The following CDH12 variants were observed in gnomAD, a reference collection of about 807,000 sequenced individuals.
CDH12 encodes the protein cadherin-12.
A neutral mutation model predicts 74.1 loss-of-function variants in CDH12; 41 were observed. The ratio of observed to expected loss-of-function variants is 0.55; its 90% CI spans 0.43 to 0.72. The LOEUF (loss-of-function observed/expected upper bound fraction) is 0.72, where lower values mean the gene tolerates loss of function less well. Among genes scored for constraint, CDH12 ranks in the 30% least tolerant of loss-of-function variants. The pLI is 0.00. For synonymous variants in CDH12, 399 were observed against 355.0 expected (o/e 1.12, Z -1.39); for missense variants, 945 against 977.2 (o/e 0.97, Z 0.44).
intron 6 of CDH12, among the ~76,000 whole-genome samples, chr5:21,953,372 T>G (rs1755952725): frequency 6.6e-6 from 1 of 152,210 alleles, no homozygotes; most frequent in South Asian, 2.1e-4. Flanking sequence ...AAACAAACTG[T>G]AACCCGGTTG....
At chr5:22,503,784 T>G (rs2126660214) in intron 2 of CDH12, among the ~76,000 whole-genome samples, 1 of 152,202 alleles carries the variant, frequency 6.6e-6, no homozygotes, top group Admixed American at 6.6e-5. Flanking sequence ...TCTTCTCATT[T>G]ATCTGGGCCT....
chr5:22,801,684 T>TATAC (rs1561041162), intron 1 of CDH12, among the ~76,000 whole-genome samples: 3 of 89,268 alleles, frequency 3.4e-5, no homozygotes, highest in South Asian at 3.4e-4. Context: ...TATATATATA[T>TATAC]ACACTTTGTT....
rs114024056 is a variant in CDH12, at chr5:21,970,388, T to G, written c.526+4703A>C. On this transcript the variant is annotated intron_variant, in intron 6 of 14. Transcript: ENST00000382254. ...AAGGGATAAGAGAATATATCTAGTT[T>G]TTTATGTTTCGATTTGTCTCTCTAT... Among the ~76,000 whole-genome samples, 822 of 152,262 alleles carry G rather than the reference T, an allele frequency of 5.4e-3. 4 individuals are homozygous for G. The highest frequency in any genetic ancestry group is 0.019 in the African/African-American group (794 of 41,544).
At chr5:21,964,027 A>G (rs1232570580) in intron 6 of CDH12, among the ~76,000 whole-genome samples, 1 of 152,056 alleles carries the variant, frequency 6.6e-6, no homozygotes, top group Non-Finnish European at 1.5e-5. Context: ...GAAAAATTAT[A>G]AGAAGAATGA....
chr5:22,577,264 C>T (rs576452526), intron 1 of CDH12, among the ~76,000 whole-genome samples: 15 of 152,064 alleles, frequency 9.9e-5, no homozygotes, highest in Admixed American at 4.6e-4. Flanking sequence ...AGTTGCCTGC[C>T]CCAGATGCGT....
chr5:22,005,543 C>G (rs181513423), intron 5 of CDH12, among the ~76,000 whole-genome samples: 3 of 150,928 alleles, frequency 2.0e-5, no homozygotes, highest in African/African-American at 7.3e-5. Flanking sequence ...TGACCTCAAA[C>G]GCTCTTGATC....
intron 4 of CDH12, among the ~76,000 whole-genome samples, chr5:22,156,555 A>T (rs530468722): frequency 4.6e-5 from 7 of 152,162 alleles, no homozygotes; most frequent in Non-Finnish European, 1.0e-4. Context: ...ATTGAGAAAA[A>T]AAAGACTACA....
chr5:22,667,847 C>A (rs1013688273), intron 1 of CDH12, among the ~76,000 whole-genome samples: 1 of 152,192 alleles, frequency 6.6e-6, no homozygotes, highest in Non-Finnish European at 1.5e-5. Flanking sequence ...TAATTCACTT[C>A]ATTTGCTTTG....
At chr5:22,768,462 G>C (rs1390233094) in intron 1 of CDH12, among the ~76,000 whole-genome samples, 1 of 152,056 alleles carries the variant, frequency 6.6e-6, no homozygotes, top group East Asian at 1.9e-4. Context: ...CTATGATCTA[G>C]ATGGGTTTAA....
chr5:22,145,994 T>C (rs976158886), intron 4 of CDH12, among the ~76,000 whole-genome samples: 1 of 151,834 alleles, frequency 6.6e-6, no homozygotes, highest in Admixed American at 6.6e-5. Flanking sequence ...CATTTAAACA[T>C]TTTTCTAGCA....
intron 1 of CDH12, among the ~76,000 whole-genome samples, chr5:22,581,269 T>G (rs1256143981): frequency 6.6e-6 from 1 of 152,218 alleles, no homozygotes; most frequent in African/African-American, 2.4e-5. Flanking sequence ...GTGTGCAGCC[T>G]ACAGACTAAA....
At chr5:22,017,763 CTTT>C (rs756517987) in intron 5 of CDH12, among the ~76,000 whole-genome samples, 1 of 140,446 alleles carries the variant, frequency 7.1e-6, no homozygotes, top group Non-Finnish European at 1.6e-5. Flanking sequence ...TCCCTCCATT[CTTT>C]TTTTTTTTTT....
chr5:22,135,920 T>C (rs1354024602), intron 4 of CDH12, among the ~76,000 whole-genome samples: 1 of 151,872 alleles, frequency 6.6e-6, no homozygotes, highest in Non-Finnish European at 1.5e-5. Context: ...GCCCCTGCCC[T>C]CTTGACTCTG....
chr5:22,362,440 A>T (rs369343263), intron 3 of CDH12, among the ~76,000 whole-genome samples: 1 of 152,090 alleles, frequency 6.6e-6, no homozygotes, highest in Non-Finnish European at 1.5e-5. Flanking sequence ...ATCAGGTGCT[A>T]GAGAGGATGT....
At chr5:22,279,968 G>A in intron 3 of CDH12, among the ~76,000 whole-genome samples, 1 of 152,122 alleles carries the variant, frequency 6.6e-6, no homozygotes, top group Non-Finnish European at 1.5e-5. Flanking sequence ...TTCCACAATG[G>A]TTGAACTAGT....
rs991910797 is a variant in CDH12, at chr5:22,563,790, A to T, written c.-522-58426T>A. On this transcript the variant is annotated intron_variant, in intron 1 of 14. Coordinates refer to ENST00000382254, the MANE Select transcript of CDH12 (RefSeq NM_004061.5). ...CCCACGATCATGGTGTAAGGCAAGG[A>T]GGAGCAAGTAACATCTTATGTGGAT... 2.4e-4 allele frequency among the ~76,000 whole-genome samples: 36 copies of T among 152,296 alleles called. 1 individual carries two copies. Among genetic ancestry groups the T allele is most frequent in the African/African-American group, 7.9e-4 (33 of 41,556 alleles).
chr5:22,254,206 T>C (rs1282953228), intron 3 of CDH12, among the ~76,000 whole-genome samples: 3 of 151,912 alleles, frequency 2.0e-5, no homozygotes, highest in Non-Finnish European at 2.9e-5. Flanking sequence ...GGAAGAAAAC[T>C]ACCTTAATTC....
At chr5:22,243,460 G>T (rs1752818103) in intron 3 of CDH12, among the ~76,000 whole-genome samples, 1 of 151,806 alleles carries the variant, frequency 6.6e-6, no homozygotes, top group Non-Finnish European at 1.5e-5. Flanking sequence ...GAAAAGGAGG[G>T]ATATGGGAAA....
At chr5:22,520,104 C>T (rs1380026508) in intron 1 of CDH12, among the ~76,000 whole-genome samples, 1 of 151,688 alleles carries the variant, frequency 6.6e-6, no homozygotes, top group African/African-American at 2.4e-5. Flanking sequence ...GGTTTGTCTA[C>T]AGATAAAAAG....
Sources: gnomAD v4.1 joint callset for allele counts (sites outside exome capture counted in the v4.1 genomes callset) on GRCh38, gnomAD v4.1.1 for gene constraint, MANE v1.5 for transcripts, NCBI Gene and HGNC (gene_info 2026-07-23, HGNC 2026-07-21) for gene names.